The following DAB1 variants were observed in gnomAD, a reference collection of about 807,000 sequenced individuals.
The protein encoded by DAB1 is DAB adaptor protein 1.
A neutral mutation model predicts 64.6 loss-of-function variants in DAB1; 15 were observed. That is an observed-to-expected ratio of 0.23 (90% CI 0.16 to 0.36). DAB1 has a LOEUF of 0.36. DAB1 is among the 10% of genes least tolerant of loss of function. DAB1 has a pLI of 1.00. For synonymous variants in DAB1, 235 were observed against 251.9 expected, an observed-to-expected ratio of 0.93 and a Z score of 0.64; for missense variants, 596 against 706.7, an observed-to-expected ratio of 0.84 and a Z score of 1.78.
At chr1:57,029,601 C>T (rs970675715) in intron 9 of DAB1, among the ~76,000 whole-genome samples, 1 of 152,190 alleles carries the variant, frequency 6.6e-6, no homozygotes, top group Admixed American at 6.5e-5. Flanking sequence ...CCCTGCAAAG[C>T]CACAGGGGAA....
At chr1:58,108,462 C>T (rs769262122) in intron 5 of DAB1, among the ~76,000 whole-genome samples, 53 of 152,094 alleles carry the variant, frequency 3.5e-4, no homozygotes, top group Non-Finnish European at 1.5e-4. Flanking sequence ...GCCAGGTACT[C>T]GACTAAGAAC....
At chr1:58,511,674 G>A (rs930359426) in intron 2 of DAB1, among the ~76,000 whole-genome samples, 6 of 151,928 alleles carry the variant, frequency 3.9e-5, no homozygotes, top group Non-Finnish European at 8.8e-5. Flanking sequence ...TGAGGAAAGA[G>A]CAGTCTCTTC....
At chr1:57,224,080 A>T (rs1248840337) in intron 2 of DAB1, among the ~76,000 whole-genome samples, 1 of 152,186 alleles carries the variant, frequency 6.6e-6, no homozygotes, top group Non-Finnish European at 1.5e-5. Context: ...GTTTGTAATT[A>T]TCCTCAAGTA....
chr1:58,480,457 C>T (rs1645462230), intron 3 of DAB1, among the ~76,000 whole-genome samples: 1 of 152,128 alleles, frequency 6.6e-6, no homozygotes, highest in Admixed American at 6.5e-5. Context: ...CTGCCAGTAG[C>T]ATTTTCTCCA....
rs189583842 is a variant in DAB1, at chr1:57,515,717, T to C, written n.625+133875A>G. On this transcript the variant is annotated intron_variant and non_coding_transcript_variant, in intron 7 of 20. Coordinates refer to the DAB1 transcript ENST00000485760. ...CATTCATTGCTCCTTTGTTCTTTCCTTCAACAAATATTCATGGATCATCTT... is the reference window on the plus strand; with the variant it reads ...CATTCATTGCTCCTTTGTTCTTTCCCTCAACAAATATTCATGGATCATCTT... Among the ~76,000 whole-genome samples the C allele has an allele frequency of 1.6e-3, 248 of 152,376 alleles. 3 individuals carry two copies. The highest frequency in any genetic ancestry group is 2.9e-3 in the Non-Finnish European group (194 of 68,034).
At chr1:58,432,892 C>A (rs1051512192) in intron 3 of DAB1, among the ~76,000 whole-genome samples, 2 of 152,376 alleles carry the variant, frequency 1.3e-5, no homozygotes, top group South Asian at 2.1e-4. Flanking sequence ...AGCCCTCCCC[C>A]CAGCCCCCTT....
chr1:58,111,413 T>G (rs77721354), intron 5 of DAB1, among the ~76,000 whole-genome samples: 4,686 of 152,326 alleles, frequency 0.031, 222 homozygotes, highest in African/African-American at 0.11. Context: ...AAAGCTAAAT[T>G]GATTTCATTA....
intron 1 of DAB1, among the ~76,000 whole-genome samples, chr1:57,330,725 T>C (rs1234145779): frequency 6.6e-6 from 1 of 152,074 alleles, no homozygotes; most frequent in Non-Finnish European, 1.5e-5. Context: ...GTGCCTGGCA[T>C]AAAGGAGGCA....
intron 5 of DAB1, among the ~76,000 whole-genome samples, chr1:58,118,503 TACACACACACACAC>T (rs34017384): frequency 7.5e-5 from 4 of 53,106 alleles, no homozygotes; most frequent in African/African-American, 1.0e-4. Context: ...TATATATATA[TACACACACACACAC>T]ACACATATAT....
chr1:58,334,400 G>A (rs1478278206), intron 4 of DAB1, among the ~76,000 whole-genome samples: 1 of 151,814 alleles, frequency 6.6e-6, no homozygotes, highest in Non-Finnish European at 1.5e-5. Context: ...GAGATACTGG[G>A]GTTGTTTATT....
chr1:58,123,873 T>G (rs990148020), intron 5 of DAB1, among the ~76,000 whole-genome samples: 3 of 152,142 alleles, frequency 2.0e-5, no homozygotes, highest in African/African-American at 7.2e-5. Flanking sequence ...CAGTTATATA[T>G]GTGAGAGGAA....
At chr1:57,144,604 G>T (rs1658929436) in intron 3 of DAB1, among the ~76,000 whole-genome samples, 1 of 151,268 alleles carries the variant, frequency 6.6e-6, no homozygotes, top group South Asian at 2.1e-4. Context: ...TGAGGCAGGA[G>T]AATTGCTTGA....
intron 4 of DAB1, among the ~76,000 whole-genome samples, chr1:58,210,732 T>C (rs910556504): frequency 1.3e-5 from 2 of 152,192 alleles, no homozygotes; most frequent in South Asian, 2.1e-4. Context: ...AGTACTTGTA[T>C]TGAGTACATG....
chr1:58,511,287 T>C (rs1178321586), intron 2 of DAB1, among the ~76,000 whole-genome samples: 1 of 152,072 alleles, frequency 6.6e-6, no homozygotes, highest in African/African-American at 2.4e-5. Flanking sequence ...GTTAAATGAA[T>C]GGAACAGAAG....
chr1:57,965,875 G>C (rs1482180656), intron 5 of DAB1, among the ~76,000 whole-genome samples: 1 of 152,020 alleles, frequency 6.6e-6, no homozygotes. Flanking sequence ...CCATGTACTT[G>C]TTATGTGCAT....
At chr1:58,504,325 C>T (rs6679808) in intron 3 of DAB1, among the ~76,000 whole-genome samples, 22,991 of 152,114 alleles carry the variant, frequency 0.15, 1,819 homozygotes, top group Middle Eastern at 0.23. Flanking sequence ...ATCAAACATA[C>T]GCTGACTTTA....
At chr1:58,238,795 G>C (rs1660160819) in intron 4 of DAB1, among the ~76,000 whole-genome samples, 3 of 152,134 alleles carry the variant, frequency 2.0e-5, no homozygotes, top group Admixed American at 1.3e-4. Flanking sequence ...ATGCTATAGG[G>C]TCTCACAGCA....
At chr1:57,738,952 A>T (rs1211580861) in intron 6 of DAB1, among the ~76,000 whole-genome samples, 1 of 152,224 alleles carries the variant, frequency 6.6e-6, no homozygotes, top group South Asian at 2.1e-4. Context: ...TAAATGGTAA[A>T]GTGCACAGGT....
intron 6 of DAB1, among the ~76,000 whole-genome samples, chr1:57,811,554 T>G (rs995433816): frequency 2.6e-5 from 4 of 152,190 alleles, no homozygotes; most frequent in African/African-American, 9.7e-5. Flanking sequence ...ATTAAATCTG[T>G]CTTCTTTATA....
Sources: gnomAD v4.1 joint callset for allele counts (sites outside exome capture counted in the v4.1 genomes callset) on GRCh38, gnomAD v4.1.1 for gene constraint, MANE v1.5 for transcripts, NCBI Gene and HGNC (gene_info 2026-07-23, HGNC 2026-07-21) for gene names.